CNTN4: variants seen among roughly 807,000 people sequenced by gnomAD.
CNTN4 encodes contactin-4.
In CNTN4, 77 loss-of-function variants were observed where a neutral mutation model predicts 122.5. The observed-to-expected ratio is 0.63, with a 90% CI of 0.52 to 0.76. The LOEUF is 0.76. Ranked by LOEUF, CNTN4 falls within the 30% of genes least tolerant of loss-of-function variation. The pLI, the probability that CNTN4 is intolerant of heterozygous loss-of-function variation, is 0.00. For missense variants in CNTN4, 1,256 were observed against 1,259.1 expected (o/e 1.00, Z 0.04); for synonymous variants, 512 against 447.0 (o/e 1.15, Z -1.83).
At chr3:2,362,312 G>A (rs949317933) in intron 3 of CNTN4, 3 of 212,872 alleles carry the variant, frequency 1.4e-5, no homozygotes, top group African/African-American at 4.7e-5. Context: ...GAGCCATGGC[G>A]GCCCCAGGGC....
chr3:2,540,525 A>C (rs2149293536), intron 3 of CNTN4, among the ~76,000 whole-genome samples: 1 of 152,156 alleles, frequency 6.6e-6, no homozygotes, highest in South Asian at 2.1e-4. Context: ...GGATGCCATA[A>C]GATATTGCCT....
intron 3 of CNTN4, among the ~76,000 whole-genome samples, chr3:2,494,340 C>G (rs571408718): frequency 9.9e-5 from 15 of 152,082 alleles, no homozygotes; most frequent in Non-Finnish European, 2.1e-4. Flanking sequence ...GGTGGTAGAA[C>G]CTGAAGCATG....
At chr3:2,712,894 C>T (rs1284216127) in intron 4 of CNTN4, among the ~76,000 whole-genome samples, 1 of 152,200 alleles carries the variant, frequency 6.6e-6, no homozygotes, top group Non-Finnish European at 1.5e-5. Context: ...CATGGAGGAT[C>T]CTGGAGGGTG....
chr3:2,705,802 T>C (rs1278534045), intron 4 of CNTN4, among the ~76,000 whole-genome samples: 2 of 105,698 alleles, frequency 1.9e-5, no homozygotes, highest in East Asian at 2.6e-4. Flanking sequence ...ATATTTGTTA[T>C]ATATAATATA....
intron 13 of CNTN4, among the ~76,000 whole-genome samples, chr3:2,936,939 A>G (rs1405043268): frequency 6.6e-6 from 1 of 152,204 alleles, no homozygotes; most frequent in East Asian, 1.9e-4. Flanking sequence ...GGCGGCTTTT[A>G]CACTGCAAGG....
At chr3:2,322,302 A>G (rs924383130) in intron 2 of CNTN4, among the ~76,000 whole-genome samples, 7 of 152,180 alleles carry the variant, frequency 4.6e-5, no homozygotes, top group Admixed American at 1.3e-4. Context: ...ATGTCCATCA[A>G]TGTGTGAATG....
Position 2,344,963 on chromosome 3 carries a change from C to T in CNTN4, c.-89+5730C>T, listed in dbSNP as rs185532129. 2.6e-5 allele frequency among the ~76,000 whole-genome samples: 4 copies of T among 152,170 alleles called. No homozygotes were observed. In the East Asian group the frequency reaches 5.8e-4, roughly 22 times the overall value. The stretch of plus-strand genomic sequence containing the variant: ...TAGCACTTAATGAATTTAATCAGCC[C>T]CCGAGGGACTTTTGATGTCAGGGAA... On this transcript the variant is annotated intron_variant, in intron 3 of 24. Transcript: ENST00000418658.
chr3:2,593,365 G>T (rs946285213), intron 4 of CNTN4, among the ~76,000 whole-genome samples: 1 of 152,030 alleles, frequency 6.6e-6, no homozygotes, highest in South Asian at 2.1e-4. Context: ...GTTAACCTTC[G>T]CAATTATCGG....
chr3:2,729,743 T>C (rs2088535661), intron 4 of CNTN4, among the ~76,000 whole-genome samples: 1 of 150,796 alleles, frequency 6.6e-6, no homozygotes, highest in African/African-American at 2.4e-5. Context: ...TGAAACCCCG[T>C]CTCTACTAAA....
intron 7 of CNTN4, among the ~76,000 whole-genome samples, chr3:2,824,279 T>C (rs1195665379): frequency 7.3e-5 from 11 of 151,392 alleles, no homozygotes; most frequent in African/African-American, 2.4e-4. Flanking sequence ...CTGGCCAACA[T>C]AGAGAAACCC....
rs578165356 is a variant in CNTN4, at chr3:3,031,067, A to T, written c.1783+92A>T. 234 of 1,552,004 alleles carry T rather than the reference A, an allele frequency of 1.5e-4. 1 individual carries two copies. Among genetic ancestry groups the T allele is most frequent in the Non-Finnish European group, 1.9e-4 (215 of 1,127,818 alleles). ...CCAGAAACCTCAGTGGTTTAGAATTATGGGAAAAAGTCAGGCAGAAGCTGA... is the reference window on the plus strand; with the variant it reads ...CCAGAAACCTCAGTGGTTTAGAATTTTGGGAAAAAGTCAGGCAGAAGCTGA... On this transcript the variant is annotated intron_variant, in intron 16 of 24. Coordinates refer to ENST00000418658, the MANE Select transcript of CNTN4 (RefSeq NM_175607.3).
intron 2 of CNTN4, among the ~76,000 whole-genome samples, chr3:2,218,245 G>C (rs1184766): frequency 0.39 from 60,069 of 152,084 alleles, 11,967 homozygotes; most frequent in East Asian, 0.44. Context: ...TAATGTACAA[G>C]TAGTAACAGA....
intron 2 of CNTN4, among the ~76,000 whole-genome samples, chr3:2,292,028 G>A (rs1052939411): frequency 3.9e-5 from 6 of 152,128 alleles, no homozygotes; most frequent in Non-Finnish European, 8.8e-5. Flanking sequence ...GAGCCACCGC[G>A]CCTGGCGAAC....
intron 7 of CNTN4, among the ~76,000 whole-genome samples, chr3:2,843,891 G>A (rs1218308010): frequency 2.6e-5 from 4 of 152,042 alleles, no homozygotes; most frequent in African/African-American, 9.7e-5. Flanking sequence ...AGTGTAAGTC[G>A]TTCACATTTC....
At chr3:2,233,561 A>G (rs7630347) in intron 2 of CNTN4, among the ~76,000 whole-genome samples, 38,426 of 151,902 alleles carry the variant, frequency 0.25, 5,102 homozygotes, top group African/African-American at 0.3. Context: ...ATTTCCAGTG[A>G]ACCAGGATAG....
At chr3:2,170,131 C>T (rs1037489276) in intron 2 of CNTN4, among the ~76,000 whole-genome samples, 2 of 151,730 alleles carry the variant, frequency 1.3e-5, no homozygotes, top group African/African-American at 4.8e-5. Flanking sequence ...ACCATCCTGG[C>T]TAACACGGTG....
chr3:2,319,198 A>G (rs1450046421), intron 2 of CNTN4, among the ~76,000 whole-genome samples: 1 of 152,130 alleles, frequency 6.6e-6, no homozygotes, highest in East Asian at 1.9e-4. Flanking sequence ...GCATCATCTC[A>G]AATATTTTAT....
intron 4 of CNTN4, among the ~76,000 whole-genome samples, chr3:2,683,956 A>T (rs972663456): frequency 5.3e-5 from 8 of 152,164 alleles, no homozygotes; most frequent in African/African-American, 1.7e-4. Context: ...CCCCATGATG[A>T]GTCTTAAGCC....
intron 2 of CNTN4, among the ~76,000 whole-genome samples, chr3:2,338,527 G>C (rs935688335): frequency 2.6e-5 from 4 of 151,800 alleles, no homozygotes; most frequent in African/African-American, 9.7e-5. Context: ...CAGAAACTTG[G>C]TTAGAGGATA....
Sources: allele counts gnomAD v4.1 joint callset (sites outside exome capture counted in the v4.1 genomes callset), GRCh38; gene constraint gnomAD v4.1.1; transcripts MANE v1.5; gene names NCBI Gene and HGNC (gene_info 2026-07-23, HGNC 2026-07-21).